Variants in BICC1 observed in about 807,000 individuals in gnomAD.
The protein encoded by BICC1 is BicC family RNA binding protein 1.
A neutral mutation model predicts 111.0 loss-of-function variants in BICC1; 43 were observed. That is an observed-to-expected ratio of 0.39 (90% CI 0.30 to 0.50). The LOEUF (loss-of-function observed/expected upper bound fraction) is 0.50. BICC1 is among the 20% of genes least tolerant of loss of function. The pLI is 0.88. For synonymous variants in BICC1, 467 were observed against 434.4 expected (o/e 1.07, Z -0.93); for missense variants, 1,091 against 1,203.2 (o/e 0.91, Z 1.38).
intron 1 of BICC1, among the ~76,000 whole-genome samples, chr10:58,518,589 TTG>T (rs1491537092): frequency 0.36 from 37,473 of 104,894 alleles, 6,633 homozygotes; most frequent in East Asian, 0.46. Flanking sequence ...TATGTGTGTG[TTG>T]GGGGGGGGGG....
intron 3 of BICC1, 79 bp downstream of exon 3, chr10:58,702,222 A>T (rs1263340125): frequency 2.0e-5 from 22 of 1,109,142 alleles, no homozygotes; most frequent in Non-Finnish European, 2.8e-5. Context: ...TGGGGAGAAA[A>T]CTAACCTTTA....
chr10:58,804,391 C>T (rs1236104466), intron 15 of BICC1, among the ~76,000 whole-genome samples: 1 of 152,044 alleles, frequency 6.6e-6, no homozygotes, highest in Non-Finnish European at 1.5e-5. Context: ...TGGTGGCATG[C>T]ACCTGTAGTC....
chr10:58,684,008 G>T (rs1370400665), intron 2 of BICC1, among the ~76,000 whole-genome samples: 2 of 152,168 alleles, frequency 1.3e-5, no homozygotes, highest in Non-Finnish European at 2.9e-5. Flanking sequence ...ATTGGCTGTG[G>T]ATTTGTCATA....
At chr10:58,514,075 G>T (rs1297517205) in intron 1 of BICC1, among the ~76,000 whole-genome samples, 2 of 152,140 alleles carry the variant, frequency 1.3e-5, no homozygotes, top group African/African-American at 4.8e-5. Context: ...ATTTCTTTGG[G>T]ACTTTCCCAG....
chr10:58,611,530 C>T (rs114554518), intron 1 of BICC1, among the ~76,000 whole-genome samples: 1 of 150,664 alleles, frequency 6.6e-6, no homozygotes, highest in African/African-American at 2.4e-5. Context: ...GGCTGGAGTA[C>T]AGTGTCATGA....
intron 18 of BICC1, among the ~76,000 whole-genome samples, chr10:58,815,934 C>T (rs972006231): frequency 3.3e-5 from 5 of 152,014 alleles, no homozygotes; most frequent in African/African-American, 1.2e-4. Flanking sequence ...CATTTTCATT[C>T]CCACTAGGCT....
At chr10:58,798,701 A>G (rs1229533165) in intron 11 of BICC1, 141 bp downstream of exon 11, 2 of 775,226 alleles carry the variant, frequency 2.6e-6, no homozygotes, top group Admixed American at 3.4e-5. Flanking sequence ...ATTCCCTGAT[A>G]TGTAAATTAG....
chr10:58,814,310 G>A (rs1428591073), intron 18 of BICC1: 2 of 592,282 alleles, frequency 3.4e-6, no homozygotes, highest in East Asian at 2.8e-5. Flanking sequence ...CATTTATGAA[G>A]TGTCCATGTG....
chr10:58,790,876 G>C (rs938225729), intron 8 of BICC1, among the ~76,000 whole-genome samples: 2 of 152,194 alleles, frequency 1.3e-5, no homozygotes, highest in Non-Finnish European at 2.9e-5. Context: ...AAAATGGATG[G>C]ACATGATGCT....
At chr10:58,720,442 C>G (rs923041096) in intron 3 of BICC1, among the ~76,000 whole-genome samples, 9 of 152,168 alleles carry the variant, frequency 5.9e-5, no homozygotes, top group African/African-American at 1.9e-4. Flanking sequence ...TTAAATAAAC[C>G]TTTAAAGTGG....
chr10:58,648,507 G>A (rs1838338389), intron 2 of BICC1: 6 of 984,928 alleles, frequency 6.1e-6, no homozygotes, highest in African/African-American at 1.7e-5. Context: ...CACTCCACTC[G>A]GACTTAGTGT....
At chr10:58,787,696 G>T (rs1017767591) in intron 5 of BICC1, among the ~76,000 whole-genome samples, 1 of 152,204 alleles carries the variant, frequency 6.6e-6, no homozygotes, top group African/African-American at 2.4e-5. Context: ...AAGATGAATA[G>T]TCTTTTCTCT....
At chr10:58,811,821 G>A (rs1843915022) in intron 17 of BICC1, among the ~76,000 whole-genome samples, 1 of 152,138 alleles carries the variant, frequency 6.6e-6, no homozygotes, top group Admixed American at 6.5e-5. Context: ...AAACCTAGAT[G>A]CCAAGAAAAG....
At chr10:58,651,030 C>A (rs556809212) in intron 2 of BICC1, among the ~76,000 whole-genome samples, 1 of 152,254 alleles carries the variant, frequency 6.6e-6, no homozygotes, top group Non-Finnish European at 1.5e-5. Flanking sequence ...CTCCTCACCC[C>A]ACTCCCAGCT....
chr10:58,661,638 G>A lies in BICC1; in HGVS notation c.238-40436G>A, dbSNP rs750825273. Among the ~76,000 whole-genome samples the A allele has an allele frequency of 4.6e-5, 7 of 152,058 alleles. No individual in the cohort carries two copies. In the East Asian group the frequency reaches 7.7e-4, roughly 17 times the overall value. Reference sequence around the variant, plus strand: ...AGAGTTACCTACATATGCTGTGTTCGGGTTGTGCTCATTTGTTGGCACAAG... The same window carrying A: ...AGAGTTACCTACATATGCTGTGTTCAGGTTGTGCTCATTTGTTGGCACAAG... On this transcript the variant is annotated intron_variant, in intron 2 of 20. Transcript: ENST00000373886.
chr10:58,788,505 A>G (rs978629661), intron 6 of BICC1, 82 bp downstream of exon 6: 12 of 995,724 alleles, frequency 1.2e-5, no homozygotes, highest in Non-Finnish European at 1.7e-5. Flanking sequence ...ATAATTTATC[A>G]TTTTATAACC....
At chr10:58,809,959 C>T (rs1363705397) in intron 17 of BICC1, among the ~76,000 whole-genome samples, 1 of 152,164 alleles carries the variant, frequency 6.6e-6, no homozygotes, top group Non-Finnish European at 1.5e-5. Flanking sequence ...GTTTTATGAA[C>T]ATAAGAATCA....
chr10:58,792,145 T>G (rs1428420749), intron 8 of BICC1, among the ~76,000 whole-genome samples: 1 of 152,022 alleles, frequency 6.6e-6, no homozygotes, highest in African/African-American at 2.4e-5. Context: ...CTGATATCCA[T>G]TTACAAATTC....
At chr10:58,616,409 A>G (rs1845607847) in intron 1 of BICC1, among the ~76,000 whole-genome samples, 1 of 152,226 alleles carries the variant, frequency 6.6e-6, no homozygotes, top group African/African-American at 2.4e-5. Flanking sequence ...AAAATGCCCC[A>G]ATGGGAGAAG....
Sources: gnomAD v4.1 joint callset for allele counts (sites outside exome capture counted in the v4.1 genomes callset) on GRCh38, gnomAD v4.1.1 for gene constraint, MANE v1.5 for transcripts, NCBI Gene and HGNC (gene_info 2026-07-23, HGNC 2026-07-21) for gene names.